Variants in ACBD6 observed in about 807,000 individuals in gnomAD.
The protein encoded by ACBD6 is acyl-CoA binding domain containing 6.
Under a neutral mutation model 37.2 loss-of-function variants are expected in ACBD6, and 28 were observed. That is an observed-to-expected ratio of 0.75 (90% CI 0.56 to 1.03). The LOEUF (loss-of-function observed/expected upper bound fraction) is 1.03, where lower values mean the gene tolerates loss of function less well. ACBD6 is among the 50% of genes least tolerant of loss of function. ACBD6 has a pLI of 0.00. For synonymous variants in ACBD6, 113 were observed against 126.8 expected (o/e 0.89, Z 0.73); for missense variants, 340 against 337.4 (o/e 1.01, Z -0.06).
At chr1:180,313,610 A>C (rs1317429519) in intron 7 of ACBD6, among the ~76,000 whole-genome samples, 2 of 152,224 alleles carry the variant, frequency 1.3e-5, no homozygotes, top group Non-Finnish European at 2.9e-5. Context: ...GGTTGCCAAG[A>C]CTGGCAAGTG....
intron 6 of ACBD6, among the ~76,000 whole-genome samples, chr1:180,330,182 T>C (rs1407892525): frequency 6.6e-6 from 1 of 151,784 alleles, no homozygotes; most frequent in Non-Finnish European, 1.5e-5. Flanking sequence ...GAGGCTGAGG[T>C]GGGAGAACTG....
chr1:180,301,556 G>T (rs1314954072), intron 7 of ACBD6, among the ~76,000 whole-genome samples: 2 of 152,006 alleles, frequency 1.3e-5, no homozygotes, highest in African/African-American at 4.8e-5. Flanking sequence ...TTGAAATGGT[G>T]GCTACTGTGG....
intron 13 of ACBD6, chr1:180,272,054 G>A (rs374778254): frequency 1.6e-5 from 25 of 1,554,890 alleles, no homozygotes; most frequent in Non-Finnish European, 2.2e-5. Context: ...AAAGTCCCCT[G>A]GGAATCTGTA....
At chr1:180,478,846 G>C in intron 3 of ACBD6, among the ~76,000 whole-genome samples, 1 of 152,072 alleles carries the variant, frequency 6.6e-6, no homozygotes, top group East Asian at 1.9e-4. Context: ...ATATCCATTT[G>C]GCTGGGCACA....
At chr1:180,364,167 A>C (rs1004646412) in intron 6 of ACBD6, among the ~76,000 whole-genome samples, 1 of 152,216 alleles carries the variant, frequency 6.6e-6, no homozygotes, top group Non-Finnish European at 1.5e-5. Context: ...TAATATCTAC[A>C]TCTATACAGT....
chr1:180,291,118 T>C (rs962913526), intron 7 of ACBD6, among the ~76,000 whole-genome samples: 22 of 152,254 alleles, frequency 1.4e-4, no homozygotes, highest in African/African-American at 5.1e-4. Flanking sequence ...AGTATTCTAC[T>C]GTATGCATGT....
At chr1:180,479,922 G>C (rs1450695317) in intron 3 of ACBD6, among the ~76,000 whole-genome samples, 1 of 152,126 alleles carries the variant, frequency 6.6e-6, no homozygotes, top group East Asian at 1.9e-4. Context: ...CCCGAAGGCA[G>C]AGGGTTCAGT....
chr1:180,429,225 A>G (rs1403225602), intron 4 of ACBD6, among the ~76,000 whole-genome samples: 1 of 149,074 alleles, frequency 6.7e-6, no homozygotes, highest in East Asian at 2.0e-4. Context: ...CTCTGTCCCC[A>G]TTAAACAACT....
intron 6 of ACBD6, among the ~76,000 whole-genome samples, chr1:180,393,998 G>GT (rs1184796624): frequency 3.3e-5 from 5 of 152,186 alleles, no homozygotes; most frequent in African/African-American, 9.7e-5. Context: ...CAAATAGAAC[G>GT]TAAGAAATCC....
At chr1:180,282,264 AC>A (rs1410136590) in intron 8 of ACBD6, among the ~76,000 whole-genome samples, 1 of 152,090 alleles carries the variant, frequency 6.6e-6, no homozygotes, top group African/African-American at 2.4e-5. Flanking sequence ...TTGCTTGCCA[AC>A]CCTGGACCAG....
At chr1:180,451,273 T>C (rs562482377) in intron 3 of ACBD6, among the ~76,000 whole-genome samples, 2 of 152,346 alleles carry the variant, frequency 1.3e-5, no homozygotes, top group African/African-American at 4.8e-5. Flanking sequence ...TCATACACTG[T>C]TGACAGGACT....
intron 5 of ACBD6, among the ~76,000 whole-genome samples, chr1:180,408,163 A>G (rs537675500): frequency 6.6e-6 from 1 of 152,356 alleles, no homozygotes; most frequent in East Asian, 1.9e-4. Flanking sequence ...TAAGCAACTG[A>G]AATTTGGGGG....
chr1:180,355,685 T>A (rs1652598402), intron 6 of ACBD6, among the ~76,000 whole-genome samples: 1 of 152,172 alleles, frequency 6.6e-6, no homozygotes, highest in South Asian at 2.1e-4. Context: ...CACTTCCTAA[T>A]CCACTAACTC....
At chr1:180,291,507 T>C (rs1477285546) in intron 7 of ACBD6, among the ~76,000 whole-genome samples, 2 of 152,348 alleles carry the variant, frequency 1.3e-5, no homozygotes, top group Non-Finnish European at 2.9e-5. Context: ...CAACTATCTA[T>C]CTTTGGTGAT....
chr1:180,348,097 C>CAGTGCCTAG (rs1652258717), intron 6 of ACBD6, among the ~76,000 whole-genome samples: 1 of 152,042 alleles, frequency 6.6e-6, no homozygotes, highest in African/African-American at 2.4e-5. Context: ...GCCTAGTGTA[C>CAGTGCCTAG]TGTAGGCAGC....
chr1:180,417,715 T>C (rs774791789), intron 4 of ACBD6, among the ~76,000 whole-genome samples: 1 of 152,128 alleles, frequency 6.6e-6, no homozygotes, highest in Non-Finnish European at 1.5e-5. Flanking sequence ...TTTTTCTACA[T>C]CTTTGAGGTT....
downstream of ACBD6, among the ~76,000 whole-genome samples, chr1:180,285,761 T>C (rs1649477177): frequency 6.6e-6 from 1 of 152,114 alleles, no homozygotes; most frequent in African/African-American, 2.4e-5. Flanking sequence ...ACCTATTTAA[T>C]AGAAAGGTTC....
chr1:180,276,671 A>AAAAT (rs1301099252), intron 9 of ACBD6: 1 of 152,178 alleles, frequency 6.6e-6, no homozygotes, highest in Non-Finnish European at 1.5e-5. Flanking sequence ...CAGGCTGCTT[A>AAAAT]AAATACACAG....
chr1:180,446,508 T>C (rs184900220), intron 3 of ACBD6, among the ~76,000 whole-genome samples: 2 of 152,324 alleles, frequency 1.3e-5, no homozygotes, highest in East Asian at 3.9e-4. Flanking sequence ...TCCTGAAACA[T>C]GAATAGCTAT....
Sources: allele counts gnomAD v4.1 joint callset (sites outside exome capture counted in the v4.1 genomes callset), GRCh38; gene constraint gnomAD v4.1.1; transcripts MANE v1.5; gene names NCBI Gene and HGNC (gene_info 2026-07-23, HGNC 2026-07-21).